Variants in SAMD5 observed in about 807,000 individuals in gnomAD.
SAMD5 encodes sterile alpha motif domain-containing protein 5.
A neutral mutation model predicts 11.3 loss-of-function variants in SAMD5; 13 were observed. That is an observed-to-expected ratio of 1.15 (90% CI 0.75 to 1.83). The LOEUF is 1.83. SAMD5 is among the 40% of genes most tolerant of loss of function. The pLI is 0.00. For synonymous variants in SAMD5, 129 were observed against 111.3 expected (o/e 1.16, Z -1.00); for missense variants, 255 against 239.1 (o/e 1.07, Z -0.44).
At chr6:147,801,468 A>T in the SAMD5 span, among the ~76,000 whole-genome samples, 3 of 152,174 alleles carry the variant, frequency 2.0e-5, no homozygotes, top group South Asian at 4.1e-4. Flanking sequence ...CCAACTCAGG[A>T]ACCAGCAAGA....
chr6:147,582,581 G>T (rs1176564504), intron 1 of SAMD5, among the ~76,000 whole-genome samples: 4 of 152,222 alleles, frequency 2.6e-5, no homozygotes, highest in Non-Finnish European at 5.9e-5. Context: ...AAGCCGACTT[G>T]TCCAGTCTCA....
Position 147,706,553 on chromosome 6 carries a change from G to A in SAMD5, c.163-30764G>A, listed in dbSNP as rs146954510. The stretch of plus-strand genomic sequence containing the variant: ...ATGACAAGTCTTTATGAAGGAAAGA[G>A]GAAAAACAGTATAGTTGACTTTTGT... On this transcript the variant is annotated intron_variant, in intron 1 of 1. Transcript: ENST00000566741. Among the ~76,000 whole-genome samples the A allele has an allele frequency of 2.0e-3, 302 of 152,284 alleles. 1 individual carries two copies. Among genetic ancestry groups the A allele is most frequent in the African/African-American group, 6.9e-3 (285 of 41,564 alleles).
At chr6:147,836,296 T>A in the SAMD5 span, among the ~76,000 whole-genome samples, 1 of 152,226 alleles carries the variant, frequency 6.6e-6, no homozygotes, top group Non-Finnish European at 1.5e-5. Flanking sequence ...GGCCAGAAAT[T>A]ACCTGTCTAC....
intron 1 of SAMD5, among the ~76,000 whole-genome samples, chr6:147,636,600 T>G (rs1583117075): frequency 6.6e-6 from 1 of 152,198 alleles, no homozygotes; most frequent in East Asian, 1.9e-4. Flanking sequence ...TTTACCAATT[T>G]TTTTGTGGTC....
At chr6:147,690,741 T>C (rs1176352779) in intron 1 of SAMD5, among the ~76,000 whole-genome samples, 4 of 152,206 alleles carry the variant, frequency 2.6e-5, no homozygotes. Flanking sequence ...TTTTCATTCT[T>C]CTTGTTTCAA....
the SAMD5 span, among the ~76,000 whole-genome samples, chr6:147,946,570 G>C: frequency 1.3e-5 from 2 of 152,112 alleles, 1 homozygote; most frequent in South Asian, 4.1e-4. Context: ...TTAAGTAAAA[G>C]AACAGACTAG....
intron 1 of SAMD5, among the ~76,000 whole-genome samples, chr6:147,628,092 A>T (rs911851190): frequency 6.6e-6 from 1 of 152,204 alleles, no homozygotes; most frequent in Non-Finnish European, 1.5e-5. Context: ...GTGGTCCAAC[A>T]GATATTGCTG....
At chr6:147,816,301 A>AAAAAAAAAAAAAATATATATAT in the SAMD5 span, among the ~76,000 whole-genome samples, 4 of 66,348 alleles carry the variant, frequency 6.0e-5, no homozygotes, top group African/African-American at 3.1e-4. Flanking sequence ...AAAAAAAAAA[A>AAAAAAAAAAAAAATATATATAT]ATATATATAT....
chr6:147,558,225 G>A (rs867733381), intron 1 of SAMD5, among the ~76,000 whole-genome samples: 35 of 152,202 alleles, frequency 2.3e-4, no homozygotes, highest in Non-Finnish European at 2.1e-4. Flanking sequence ...GTTGATGAGA[G>A]ACAGAGACAG....
the SAMD5 span, among the ~76,000 whole-genome samples, chr6:147,801,366 A>G: frequency 1.4e-3 from 216 of 152,180 alleles, no homozygotes; most frequent in African/African-American, 4.6e-3. Context: ...AAACAAATCA[A>G]TACTTCAAGG....
At chr6:147,573,711 A>G (rs1789171887), downstream of SAMD5, among the ~76,000 whole-genome samples, 1 of 152,232 alleles carries the variant, frequency 6.6e-6, no homozygotes, top group Non-Finnish European at 1.5e-5. Context: ...AGGATTTTGT[A>G]TTGGAGGAAC....
the SAMD5 span, among the ~76,000 whole-genome samples, chr6:147,887,557 T>A: frequency 6.6e-6 from 1 of 152,206 alleles, no homozygotes; most frequent in African/African-American, 2.4e-5. Context: ...TACTGCTACA[T>A]CACAGTTTGT....
the SAMD5 span, among the ~76,000 whole-genome samples, chr6:147,757,839 A>G: frequency 1.3e-5 from 2 of 152,256 alleles, no homozygotes; most frequent in East Asian, 1.9e-4. Context: ...CCCCTTTCCA[A>G]TCTTAACATC....
intron 1 of SAMD5, among the ~76,000 whole-genome samples, chr6:147,631,804 G>A (rs1034827479): frequency 5.3e-5 from 8 of 152,126 alleles, no homozygotes; most frequent in African/African-American, 1.9e-4. Context: ...AAGGGAGGGG[G>A]CCTGAACGAT....
chr6:147,684,709 C>G (rs751484796), intron 1 of SAMD5, among the ~76,000 whole-genome samples: 7 of 152,130 alleles, frequency 4.6e-5, no homozygotes, highest in Non-Finnish European at 1.0e-4. Context: ...TAAAATTGAA[C>G]ATCTTTTTCC....
the SAMD5 span, among the ~76,000 whole-genome samples, chr6:147,823,037 G>A: frequency 2.2e-3 from 330 of 152,108 alleles, 1 homozygote; most frequent in African/African-American, 6.7e-3. Flanking sequence ...GGCTGGTCTC[G>A]AACTCCTGAC....
At chr6:147,726,484 G>A (rs558238692) in intron 1 of SAMD5, among the ~76,000 whole-genome samples, 39 of 152,358 alleles carry the variant, frequency 2.6e-4, no homozygotes, top group African/African-American at 9.1e-4. Flanking sequence ...TTCAGATGAG[G>A]TTTCAGAGGC....
At chr6:147,547,348 C>T (rs1788702107) in intron 1 of SAMD5, among the ~76,000 whole-genome samples, 1 of 152,188 alleles carries the variant, frequency 6.6e-6, no homozygotes, top group African/African-American at 2.4e-5. Context: ...AGGTATCAGC[C>T]AGCCGGGGCT....
intron 1 of SAMD5, among the ~76,000 whole-genome samples, chr6:147,527,802 AG>A (rs1405605733): frequency 1.3e-5 from 2 of 150,886 alleles, no homozygotes; most frequent in African/African-American, 2.5e-5. Context: ...TAATAAAGAA[AG>A]GTTTTTTTTA....
Sources: gnomAD v4.1 joint callset for allele counts (sites outside exome capture counted in the v4.1 genomes callset) on GRCh38, gnomAD v4.1.1 for gene constraint, MANE v1.5 for transcripts, NCBI Gene and HGNC (gene_info 2026-07-23, HGNC 2026-07-21) for gene names.